TNFRSF8: variants seen among roughly 807,000 people sequenced by gnomAD.
TNFRSF8 encodes tumor necrosis factor receptor superfamily member 8.
In TNFRSF8, 26 loss-of-function variants were observed where a neutral mutation model predicts 70.8. That is an observed-to-expected ratio of 0.37 (90% confidence interval 0.27 to 0.51). TNFRSF8 has a LOEUF of 0.51. Ranked by LOEUF, TNFRSF8 falls within the 20% of genes least tolerant of loss-of-function variation. The pLI is 0.94. For missense variants in TNFRSF8, 720 were observed against 807.9 expected (o/e 0.89, Z 1.32); for synonymous variants, 356 against 339.2 (o/e 1.05, Z -0.54).
At chr1:12,075,604 C>A (rs1337403145) in intron 1 of TNFRSF8, among the ~76,000 whole-genome samples, 1 of 152,158 alleles carries the variant, frequency 6.6e-6, no homozygotes, top group Admixed American at 6.5e-5. Flanking sequence ...GGTTCACAAC[C>A]TCGATGCCAT....
At chr1:12,079,929 A>AT (rs751788598) in intron 1 of TNFRSF8, among the ~76,000 whole-genome samples, 8 of 144,100 alleles carry the variant, frequency 5.6e-5, no homozygotes, top group Non-Finnish European at 1.2e-4. Flanking sequence ...TTTTATCACT[A>AT]CTTTATTTTT....
chr1:12,071,149 T>C (rs1640836748), intron 1 of TNFRSF8, among the ~76,000 whole-genome samples: 1 of 152,226 alleles, frequency 6.6e-6, no homozygotes, highest in African/African-American at 2.4e-5. Context: ...TATTGTCTTA[T>C]AGCCCTGGTG....
At position 12,142,690 on chromosome 1, in the gene TNFRSF8, T is replaced by C; in HGVS notation, c.*159T>C. The stretch of plus-strand genomic sequence containing the variant: ...GCCGGTCACTGCAGGGGTCTGGTGG[T>C]CTCTGCTTGCATCCCCAACTTAGCT... On this transcript the variant is annotated 3_prime_UTR_variant, in exon 15 of 15. Coordinates refer to ENST00000263932, the MANE Select transcript of TNFRSF8 (RefSeq NM_001243.5). The surrounding 1 kb of genome is among the most constrained non-coding windows in gnomAD (Gnocchi z 5.0). 3 of 997,340 alleles carry C rather than the reference T, an allele frequency of 3.0e-6. No homozygotes were observed. The highest frequency in any genetic ancestry group is 3.5e-5 in the South Asian group (2 of 57,886). 61.8% of individuals were successfully genotyped at this position (997,340 alleles called of 1,614,324 possible). A position where few individuals can be genotyped will look rare whatever the true frequency, so the allele number is the denominator to read the frequency against.
intron 8 of TNFRSF8, among the ~76,000 whole-genome samples, chr1:12,122,133 G>GAGTT (rs1416120595): frequency 2.0e-5 from 3 of 152,200 alleles, no homozygotes; most frequent in African/African-American, 7.2e-5. Flanking sequence ...ATTTTGATTG[G>GAGTT]AGTTAGTTAC....
chr1:12,126,183 A>T lies in TNFRSF8; in HGVS notation c.1256A>T (p.Lys419Met), dbSNP rs1641936142. The change falls in exon 12 of 15, where the codon AAG (lysine) becomes ATG (methionine). Residue 419 changes from lysine to methionine, a missense_variant and splice_region_variant. Lys to Met is a moderately conservative substitution (Grantham distance 95). Transcript: ENST00000263932. ...RRACRKRIRQ[K>M]LHLCYPVQTS... is the part of the protein sequence containing the mutation. Reference sequence around the variant, plus strand: ...AGCCTTCCTCCTGGTGTCGTTTCAGAGCTCCACCTGTGCTACCCGGTCCAG... The same window carrying T: ...AGCCTTCCTCCTGGTGTCGTTTCAGTGCTCCACCTGTGCTACCCGGTCCAG... 3 of 1,613,712 alleles carry T rather than the reference A, an allele frequency of 1.9e-6. No homozygotes were observed. In the South Asian group the frequency reaches 3.3e-5, roughly 18 times the overall value.
intron 1 of TNFRSF8, among the ~76,000 whole-genome samples, chr1:12,066,867 G>A (rs1640750946): frequency 6.6e-6 from 1 of 151,426 alleles, no homozygotes; most frequent in Non-Finnish European, 1.5e-5. Flanking sequence ...TGGTCAGGCT[G>A]GTCTCGAGCT....
intron 2 of TNFRSF8, among the ~76,000 whole-genome samples, chr1:12,091,754 T>C (rs1458919962): frequency 1.3e-5 from 2 of 152,134 alleles, no homozygotes; most frequent in African/African-American, 4.8e-5. Flanking sequence ...GTCCCCAACC[T>C]TTTTGGCACC....
At chr1:12,093,622 C>A (rs536714778) in intron 2 of TNFRSF8, among the ~76,000 whole-genome samples, 2 of 152,124 alleles carry the variant, frequency 1.3e-5, no homozygotes, top group Non-Finnish European at 2.9e-5. Context: ...CTCACTGCAA[C>A]CTCTGCCTCC....
At chr1:12,123,924 G>A (rs1195449641) in intron 10 of TNFRSF8, 97 bp downstream of exon 10, 7 of 1,115,030 alleles carry the variant, frequency 6.3e-6, no homozygotes, top group Non-Finnish European at 7.8e-6. Flanking sequence ...TCCTTTGTGG[G>A]TATGGTCTGA....
chr1:12,133,203 G>A (rs976262611), intron 12 of TNFRSF8, among the ~76,000 whole-genome samples: 1 of 152,174 alleles, frequency 6.6e-6, no homozygotes, highest in African/African-American at 2.4e-5. Flanking sequence ...GTTGCCAGAT[G>A]GCTCTTTAGA....
intron 1 of TNFRSF8, among the ~76,000 whole-genome samples, chr1:12,078,518 C>T (rs964648599): frequency 6.6e-6 from 1 of 152,052 alleles, no homozygotes; most frequent in African/African-American, 2.4e-5. Context: ...GAGCCGAGAT[C>T]GCACCACTGC....
rs1421329983 is a variant in TNFRSF8, at chr1:12,112,755, G to T, written c.793+741G>T. On this transcript the variant is annotated intron_variant, in intron 7 of 14. Transcript: ENST00000263932. This position sits in a 1 kb window ranked among gnomAD's most constrained non-coding sequence, Gnocchi z 5.3. ...CAGACACAGCACGATGCAGGTGTGG[G>T]GCTTCCCTGTGCCCAGCCCATCACA... is the stretch of plus-strand genomic sequence containing the variant. 6.6e-6 allele frequency among the ~76,000 whole-genome samples: 1 copy of T among 152,178 alleles called. No individual in the cohort carries two copies. Among genetic ancestry groups the T allele is most frequent in the Admixed American group, 6.5e-5 (1 of 15,276 alleles).
Position 12,102,229 on chromosome 1 carries a change from A to G in TNFRSF8, c.269-2150A>G, listed in dbSNP as rs189591538. On this transcript the variant is annotated intron_variant, in intron 3 of 14. Transcript: ENST00000263932. ...GTGGTCTGCGAATGGGGCTTCTGAAACCCACCTCTGAGGGCAATGGGGCTC... is the reference window on the plus strand; with the variant it reads ...GTGGTCTGCGAATGGGGCTTCTGAAGCCCACCTCTGAGGGCAATGGGGCTC... 7.0e-4 allele frequency among the ~76,000 whole-genome samples: 107 copies of G among 152,160 alleles called. 1 individual carries two copies. Among genetic ancestry groups the G allele is most frequent in the Admixed American group, 6.9e-3 (106 of 15,288 alleles).
intron 1 of TNFRSF8, among the ~76,000 whole-genome samples, chr1:12,065,742 G>C (rs115039761): frequency 3.9e-5 from 6 of 152,120 alleles, no homozygotes; most frequent in Non-Finnish European, 1.5e-5. Context: ...AATGCTATGT[G>C]ATCTTTTGCC....
chr1:12,137,558 G>GTTTTTTTTTT (rs57661698), intron 13 of TNFRSF8, among the ~76,000 whole-genome samples: 1 of 135,214 alleles, frequency 7.4e-6, no homozygotes, highest in Non-Finnish European at 1.6e-5. Flanking sequence ...GTTTTTTTTT[G>GTTTTTTTTTT]TTTTTTTTTT....
chr1:12,103,671 A>G (rs1641465019), intron 3 of TNFRSF8, among the ~76,000 whole-genome samples: 1 of 151,696 alleles, frequency 6.6e-6, no homozygotes, highest in South Asian at 2.1e-4. Flanking sequence ...ACGGGATTTC[A>G]CCATGTTGCC....
chr1:12,122,593 G>A (rs1272729084), intron 8 of TNFRSF8, among the ~76,000 whole-genome samples: 2 of 151,876 alleles, frequency 1.3e-5, no homozygotes, highest in Non-Finnish European at 2.9e-5. Context: ...GTTGCAATGA[G>A]CTGAGATCGT....
At chr1:12,124,859 AAAACAAAACAAAACAAAAC>A (rs1410079089) in intron 10 of TNFRSF8, among the ~76,000 whole-genome samples, 4 of 151,054 alleles carry the variant, frequency 2.6e-5, no homozygotes, top group African/African-American at 9.7e-5. Flanking sequence ...AAAACAAAAC[AAAACAAAACAAAACAAAAC>A]AAACAAAACC....
At chr1:12,064,815 C>A (rs988773221) in intron 1 of TNFRSF8, among the ~76,000 whole-genome samples, 8 of 152,176 alleles carry the variant, frequency 5.3e-5, no homozygotes, top group African/African-American at 1.9e-4. Flanking sequence ...GCTAGAGACA[C>A]CCTGTCCCAG....
Sources: gnomAD v4.1 joint callset for allele counts (sites outside exome capture counted in the v4.1 genomes callset) on GRCh38, gnomAD v4.1.1 for gene constraint, Gnocchi (gnomAD v3.1) non-coding constraint, MANE v1.5 for transcripts, NCBI Gene and HGNC (gene_info 2026-07-23, HGNC 2026-07-21) for gene names.